Variants in XKR6 observed in about 807,000 individuals in gnomAD.
The protein encoded by XKR6 is XK related 6, also known as XK-related protein 6.
XKR6 carries 22 observed loss-of-function variants against 56.7 expected under a neutral mutation model. That is an observed-to-expected ratio of 0.39 (90% confidence interval 0.28 to 0.55). XKR6 has a LOEUF of 0.55. XKR6 is among the 20% of genes least tolerant of loss of function. XKR6 has a pLI of 0.66. For synonymous variants in XKR6, 524 were observed against 387.8 expected, an observed-to-expected ratio of 1.35 and a Z score of -4.13; for missense variants, 852 against 889.0, an observed-to-expected ratio of 0.96 and a Z score of 0.53.
At chr8:11,127,029 T>C (rs1291680583) in intron 1 of XKR6, among the ~76,000 whole-genome samples, 4 of 152,198 alleles carry the variant, frequency 2.6e-5, no homozygotes, top group East Asian at 1.9e-4. Context: ...CAGGGTAAGT[T>C]TGTCTTGTGT....
intron 2 of XKR6, among the ~76,000 whole-genome samples, chr8:10,912,646 G>C (rs900312388): frequency 1.0e-5 from 1 of 98,858 alleles, no homozygotes; most frequent in Non-Finnish European, 2.1e-5. Flanking sequence ...GAGAGAAAGA[G>C]GGTGTCTATA....
At chr8:11,102,842 C>T (rs1265656284) in intron 1 of XKR6, among the ~76,000 whole-genome samples, 2 of 152,184 alleles carry the variant, frequency 1.3e-5, no homozygotes. Context: ...AGGATTTTCA[C>T]CCCATCCTTG....
intron 1 of XKR6, among the ~76,000 whole-genome samples, chr8:11,170,535 G>C (rs900614892): frequency 2.6e-5 from 4 of 152,148 alleles, no homozygotes; most frequent in Admixed American, 6.5e-5. Context: ...CAGTTCCCAG[G>C]GGCTGGGAAA....
At chr8:10,913,606 G>C (rs566995987) in intron 2 of XKR6, among the ~76,000 whole-genome samples, 23 of 152,340 alleles carry the variant, frequency 1.5e-4, no homozygotes, top group Admixed American at 1.1e-3. Context: ...GAGATCACCA[G>C]TGTTTACAAA....
Position 11,180,869 on chromosome 8 carries a change from T to C in XKR6, c.764+19707A>G, listed in dbSNP as rs766949220. On this transcript the variant is annotated intron_variant, in intron 1 of 2. Transcript: ENST00000416569. ...CTGCAGTGCATTATGATCATGTTAT[T>C]GCACTACAGCCTGAGCAACTGAGCA... Among the ~76,000 whole-genome samples, 13 of 152,204 alleles carry C rather than the reference T, an allele frequency of 8.5e-5. 1 individual carries two copies. Among genetic ancestry groups the C allele is most frequent in the Admixed American group, 2.6e-4 (4 of 15,278 alleles).
At chr8:10,951,399 G>C (rs1314553470) in intron 1 of XKR6, among the ~76,000 whole-genome samples, 5 of 152,150 alleles carry the variant, frequency 3.3e-5, no homozygotes, top group African/African-American at 1.2e-4. Context: ...AGCTCAGAGA[G>C]GGGAATGGGC....
chr8:11,119,931 A>C (rs1033068022), intron 1 of XKR6, among the ~76,000 whole-genome samples: 1 of 152,202 alleles, frequency 6.6e-6, no homozygotes, highest in Non-Finnish European at 1.5e-5. Context: ...CCAAAGACAA[A>C]AACCACATGA....
chr8:10,899,534 C>T lies in XKR6; in HGVS notation c.962-618G>A, dbSNP rs562051984. ...CAAGATCCAGGACACTGGGATATCC[C>T]GCCCATTTCACAGACTTCCTCTCTC... On this transcript the variant is annotated intron_variant, in intron 2 of 2. Coordinates refer to ENST00000416569, the MANE Select transcript of XKR6 (RefSeq NM_173683.4). Among the ~76,000 whole-genome samples, 99 of 152,346 alleles carry T rather than the reference C, an allele frequency of 6.5e-4. 1 individual carries two copies. Among genetic ancestry groups the T allele is most frequent in the African/African-American group, 2.2e-3 (90 of 41,578 alleles).
intron 1 of XKR6, among the ~76,000 whole-genome samples, chr8:10,976,516 G>A (rs994095558): frequency 1.3e-5 from 2 of 152,166 alleles, no homozygotes; most frequent in Non-Finnish European, 2.9e-5. Context: ...GTGGTGTTAG[G>A]GCTCCCTGTG....
intron 1 of XKR6, among the ~76,000 whole-genome samples, chr8:11,044,763 C>T (rs1390080144): frequency 3.3e-5 from 5 of 151,760 alleles, no homozygotes; most frequent in East Asian, 3.9e-4. Flanking sequence ...GGACTACAGG[C>T]GAATGCCACC....
intron 2 of XKR6, among the ~76,000 whole-genome samples, chr8:10,913,181 A>G (rs1322765714): frequency 1.3e-5 from 2 of 151,652 alleles, no homozygotes; most frequent in Non-Finnish European, 2.9e-5. Flanking sequence ...TAGTCTCTAT[A>G]TTTATACTCA....
intron 1 of XKR6, among the ~76,000 whole-genome samples, chr8:11,046,844 A>G (rs1209342675): frequency 6.6e-6 from 1 of 152,232 alleles, no homozygotes; most frequent in Non-Finnish European, 1.5e-5. Context: ...GTGATTTGCA[A>G]CAACATGGAT....
intron 1 of XKR6, among the ~76,000 whole-genome samples, chr8:10,976,026 A>AT (rs397942577): frequency 6.6e-6 from 1 of 151,688 alleles, no homozygotes; most frequent in Non-Finnish European, 1.5e-5. Flanking sequence ...TACAAAAAAA[A>AT]TTAGCTGGGC....
Position 11,036,167 on chromosome 8 carries a change from C to T in XKR6, c.765-111337G>A, listed in dbSNP as rs932391578. Among the ~76,000 whole-genome samples the T allele has an allele frequency of 7.2e-5, 11 of 151,844 alleles. No homozygotes were observed. The East Asian group carries it at 1.6e-3, about 21-fold the overall frequency. On this transcript the variant is annotated intron_variant, in intron 1 of 2. Coordinates refer to ENST00000416569, the MANE Select transcript of XKR6 (RefSeq NM_173683.4). ...CTCACTGTGTTGCCTAGGTTGGTCTCTAACTCCTGGGCTCAAGTGATCCTC... is the reference window on the plus strand; with the variant it reads ...CTCACTGTGTTGCCTAGGTTGGTCTTTAACTCCTGGGCTCAAGTGATCCTC...
intron 1 of XKR6, among the ~76,000 whole-genome samples, chr8:11,086,202 A>C (rs1246128903): frequency 6.6e-6 from 1 of 151,356 alleles, no homozygotes; most frequent in Non-Finnish European, 1.5e-5. Context: ...GATTCTTGCT[A>C]ATGCATCAAC....
At chr8:11,099,887 A>G (rs980927942) in intron 1 of XKR6, among the ~76,000 whole-genome samples, 2 of 152,176 alleles carry the variant, frequency 1.3e-5, no homozygotes, top group African/African-American at 4.8e-5. Flanking sequence ...GGAGGAGACA[A>G]TTTAGCAGAG....
At chr8:11,171,478 T>A (rs570515631) in intron 1 of XKR6, among the ~76,000 whole-genome samples, 4 of 152,274 alleles carry the variant, frequency 2.6e-5, no homozygotes, top group African/African-American at 9.6e-5. Flanking sequence ...GGTGTTTGGG[T>A]CATGGGGGCA....
intron 2 of XKR6, among the ~76,000 whole-genome samples, chr8:10,915,142 A>G (rs977255872): frequency 1.3e-4 from 20 of 152,312 alleles, no homozygotes; most frequent in Admixed American, 2.0e-4. Context: ...AAAAGAGAAA[A>G]TATTTGCTTT....
intron 1 of XKR6, among the ~76,000 whole-genome samples, chr8:11,048,936 C>T (rs2129158888): frequency 6.6e-6 from 1 of 152,356 alleles, no homozygotes; most frequent in East Asian, 1.9e-4. Context: ...GCTTGGCTGG[C>T]TGCCCAGGTG....
Sources: allele counts gnomAD v4.1 joint callset (sites outside exome capture counted in the v4.1 genomes callset), GRCh38; gene constraint gnomAD v4.1.1; transcripts MANE v1.5; gene names NCBI Gene and HGNC (gene_info 2026-07-23, HGNC 2026-07-21).